VAV3: variants seen among roughly 807,000 people sequenced by gnomAD.
The protein encoded by VAV3 is vav guanine nucleotide exchange factor 3, also known as guanine nucleotide exchange factor VAV3.
VAV3 carries 94 observed loss-of-function variants against 131.2 expected under a neutral mutation model. That is an observed-to-expected ratio of 0.72 (90% CI 0.61 to 0.85). The LOEUF is 0.85. VAV3 is among the 40% of genes least tolerant of loss of function. The probability of loss-of-function intolerance (pLI) is 0.00; values close to 1 mark genes in which losing one functional copy is unlikely to be tolerated. For synonymous variants in VAV3, 349 were observed against 342.0 expected, an observed-to-expected ratio of 1.02 and a Z score of -0.22; for missense variants, 939 against 1,002.7, an observed-to-expected ratio of 0.94 and a Z score of 0.86.
At chr1:107,768,200 T>A (rs567168551) in intron 7 of VAV3, among the ~76,000 whole-genome samples, 1 of 152,150 alleles carries the variant, frequency 6.6e-6, no homozygotes, top group Admixed American at 6.5e-5. Flanking sequence ...GAATAACACA[T>A]GAAAGTTATT....
At chr1:107,919,678 TAC>T (rs572559384) in intron 1 of VAV3, among the ~76,000 whole-genome samples, 1 of 152,184 alleles carries the variant, frequency 6.6e-6, no homozygotes, top group Non-Finnish European at 1.5e-5. Flanking sequence ...TATATTTTAT[TAC>T]AGTTATACAG....
intron 1 of VAV3, among the ~76,000 whole-genome samples, chr1:107,946,898 T>C (rs949953412): frequency 3.3e-5 from 5 of 152,190 alleles, no homozygotes; most frequent in Admixed American, 2.6e-4. Flanking sequence ...CACTCTTTTA[T>C]TAAGAGTTTA....
chr1:107,606,803 CTTTTTTTTTTT>C (rs34849497), intron 22 of VAV3, among the ~76,000 whole-genome samples: 2 of 58,012 alleles, frequency 3.4e-5, no homozygotes, highest in African/African-American at 1.4e-4. Context: ...ATGGTTTCTT[CTTTTTTTTTTT>C]TTTTTTTTTT....
intron 12 of VAV3, among the ~76,000 whole-genome samples, chr1:107,753,527 CGTATAT>C (rs1441673439): frequency 2.1e-5 from 2 of 94,730 alleles, no homozygotes; most frequent in African/African-American, 4.1e-5. Flanking sequence ...TATATATATA[CGTATAT>C]ATATATATAT....
intron 1 of VAV3, among the ~76,000 whole-genome samples, chr1:107,928,652 T>C (rs150025561): frequency 6.6e-6 from 1 of 152,296 alleles, no homozygotes; most frequent in Admixed American, 6.5e-5. Context: ...TCAGAATTGT[T>C]TAAGCAGAAT....
chr1:107,903,350 T>C (rs567729234), intron 1 of VAV3, among the ~76,000 whole-genome samples: 2 of 152,168 alleles, frequency 1.3e-5, no homozygotes, highest in South Asian at 2.1e-4. Context: ...ATAAAAAATA[T>C]CATATTTGCC....
intron 15 of VAV3, among the ~76,000 whole-genome samples, chr1:107,720,465 A>T (rs1661427839): frequency 6.7e-6 from 1 of 149,938 alleles, no homozygotes; most frequent in Non-Finnish European, 1.5e-5. Flanking sequence ...AAAAAAAAAA[A>T]AAAAGGAGTT....
chr1:107,732,566 C>T (rs1017234273), intron 15 of VAV3, among the ~76,000 whole-genome samples: 5 of 152,228 alleles, frequency 3.3e-5, no homozygotes, highest in African/African-American at 9.6e-5. Flanking sequence ...TTATAACCCA[C>T]GCCTGGCTCA....
At chr1:107,789,871 G>A (rs1163678589) in intron 2 of VAV3, among the ~76,000 whole-genome samples, 1 of 152,120 alleles carries the variant, frequency 6.6e-6, no homozygotes, top group Non-Finnish European at 1.5e-5. Context: ...AATCCCATGT[G>A]TCTATTGCAG....
intron 22 of VAV3, among the ~76,000 whole-genome samples, chr1:107,603,490 T>C (rs1198072120): frequency 6.6e-6 from 1 of 152,154 alleles, no homozygotes; most frequent in African/African-American, 2.4e-5. Flanking sequence ...AAAAGACTTG[T>C]AGGGAGAAAC....
At chr1:107,781,955 CT>C (rs1418025873) in intron 2 of VAV3, among the ~76,000 whole-genome samples, 1 of 152,158 alleles carries the variant, frequency 6.6e-6, no homozygotes, top group Non-Finnish European at 1.5e-5. Context: ...AAATTATTCA[CT>C]ATTAAGCGAA....
chr1:107,796,269 T>C (rs1294328071), intron 2 of VAV3, among the ~76,000 whole-genome samples: 2 of 152,096 alleles, frequency 1.3e-5, no homozygotes, highest in Admixed American at 1.3e-4. Flanking sequence ...GGCTCTCATC[T>C]CTAAACTGAG....
intron 25 of VAV3, among the ~76,000 whole-genome samples, chr1:107,591,243 C>T (rs1202736377): frequency 6.6e-6 from 1 of 152,126 alleles, no homozygotes; most frequent in Non-Finnish European, 1.5e-5. Context: ...CATTTCCTTG[C>T]ACTTATGCTT....
intron 2 of VAV3, among the ~76,000 whole-genome samples, chr1:107,810,449 C>T (rs1239738176): frequency 1.3e-5 from 2 of 148,734 alleles, no homozygotes; most frequent in Non-Finnish European, 3.0e-5. Context: ...CTTTCAATTC[C>T]ACATACTCTA....
intron 15 of VAV3, among the ~76,000 whole-genome samples, chr1:107,748,114 C>T (rs991304735): frequency 6.6e-6 from 1 of 152,140 alleles, no homozygotes; most frequent in African/African-American, 2.4e-5. Flanking sequence ...CTCTAGTTTA[C>T]ATTAACATGA....
intron 19 of VAV3, among the ~76,000 whole-genome samples, chr1:107,653,465 T>C (rs1288262610): frequency 1.3e-5 from 2 of 152,060 alleles, no homozygotes; most frequent in African/African-American, 4.8e-5. Flanking sequence ...TGCTCAGTCA[T>C]TGTAAACTTC....
intron 19 of VAV3, among the ~76,000 whole-genome samples, chr1:107,660,743 G>T (rs1286033522): frequency 6.6e-6 from 1 of 152,062 alleles, no homozygotes; most frequent in Non-Finnish European, 1.5e-5. Context: ...CTTGGAATGT[G>T]AACAACATAA....
intron 12 of VAV3, among the ~76,000 whole-genome samples, chr1:107,751,416 T>C (rs1025674588): frequency 2.0e-5 from 3 of 152,258 alleles, no homozygotes; most frequent in East Asian, 3.9e-4. Context: ...AGGACATCAA[T>C]TGATTTTAAT....
chr1:107,632,725 T>C (rs1040602321), intron 20 of VAV3, among the ~76,000 whole-genome samples: 1 of 152,230 alleles, frequency 6.6e-6, no homozygotes, highest in East Asian at 1.9e-4. Flanking sequence ...ATAATTGAAG[T>C]GTTAGCAGTG....
Sources: allele counts gnomAD v4.1 joint callset (sites outside exome capture counted in the v4.1 genomes callset), GRCh38; gene constraint gnomAD v4.1.1; transcripts MANE v1.5; gene names NCBI Gene and HGNC (gene_info 2026-07-23, HGNC 2026-07-21).